ADAMTS2: variants seen among roughly 807,000 people sequenced by gnomAD.
ADAMTS2 encodes the protein A disintegrin and metalloproteinase with thrombospondin motifs 2.
ADAMTS2 carries 50 observed loss-of-function variants against 123.0 expected under a neutral mutation model. The ratio of observed to expected loss-of-function variants is 0.41; its 90% CI spans 0.32 to 0.51. The LOEUF (loss-of-function observed/expected upper bound fraction) is 0.51, where lower values mean the gene tolerates loss of function less well. Ranked by LOEUF, ADAMTS2 falls within the 20% of genes least tolerant of loss-of-function variation. ADAMTS2 has a pLI of 0.35. For missense variants in ADAMTS2, 1,494 were observed against 1,705.2 expected (o/e 0.88, Z 2.18); for synonymous variants, 678 against 695.4 (o/e 0.98, Z 0.39).
At chr5:179,154,990 C>T (rs930141094) in intron 6 of ADAMTS2, 71 bp from the exon 7 acceptor site, 2 of 1,360,272 alleles carry the variant, frequency 1.5e-6, no homozygotes, top group Non-Finnish European at 2.1e-6. Flanking sequence ...TGGCCTAACT[C>T]CCAGGCGCTG....
chr5:179,148,944 G>A (rs1435296668), intron 10 of ADAMTS2, among the ~76,000 whole-genome samples: 1 of 98,974 alleles, frequency 1.0e-5, no homozygotes, highest in Admixed American at 1.1e-4. Flanking sequence ...CGGCCCCTGG[G>A]GGGTCCTAGC....
At chr5:179,299,954 C>T (rs1364075558) in intron 2 of ADAMTS2, among the ~76,000 whole-genome samples, 8 of 151,896 alleles carry the variant, frequency 5.3e-5, no homozygotes, top group Admixed American at 1.3e-4. Flanking sequence ...ATTAGCCAGG[C>T]GTGGTGGCAG....
At chr5:179,227,719 A>G (rs2113421689) in intron 3 of ADAMTS2, among the ~76,000 whole-genome samples, 1 of 152,262 alleles carries the variant, frequency 6.6e-6, no homozygotes, top group African/African-American at 2.4e-5. Context: ...CACGGCCCAC[A>G]GGACCAGCAG....
chr5:179,342,210 C>T (rs1468333207), intron 2 of ADAMTS2, among the ~76,000 whole-genome samples: 3 of 152,206 alleles, frequency 2.0e-5, no homozygotes, highest in Admixed American at 2.0e-4. Context: ...ATCAGGAATG[C>T]ATAGTACACA....
chr5:179,194,007 C>A (rs926437170), intron 4 of ADAMTS2, among the ~76,000 whole-genome samples: 1 of 152,236 alleles, frequency 6.6e-6, no homozygotes, highest in African/African-American at 2.4e-5. Context: ...CTGCACAAGA[C>A]AAGCTCCGAG....
intron 2 of ADAMTS2, among the ~76,000 whole-genome samples, chr5:179,325,533 G>C (rs1030720410): frequency 7.2e-5 from 11 of 152,270 alleles, no homozygotes; most frequent in Non-Finnish European, 1.2e-4. Context: ...AGCCACAGCA[G>C]TCCTGTGACG....
chr5:179,250,512 C>T (rs111271255), intron 3 of ADAMTS2, among the ~76,000 whole-genome samples: 4 of 152,144 alleles, frequency 2.6e-5, no homozygotes, highest in African/African-American at 4.8e-5. Flanking sequence ...GCGCCCGAAA[C>T]GCTGAACTAC....
intron 2 of ADAMTS2, among the ~76,000 whole-genome samples, chr5:179,280,845 T>C (rs776518046): frequency 2.0e-5 from 3 of 152,104 alleles, no homozygotes; most frequent in Non-Finnish European, 4.4e-5. Context: ...TTTTTCATTA[T>C]AAAGTTCAAT....
chr5:179,138,514 G>A (rs1763104569), intron 11 of ADAMTS2, among the ~76,000 whole-genome samples: 1 of 152,236 alleles, frequency 6.6e-6, no homozygotes, highest in South Asian at 2.1e-4. Flanking sequence ...TTTCTGCAAC[G>A]TCTTCGCTTC....
At chr5:179,167,616 A>G (rs1170695632) in intron 5 of ADAMTS2, among the ~76,000 whole-genome samples, 1 of 152,138 alleles carries the variant, frequency 6.6e-6, no homozygotes, top group African/African-American at 2.4e-5. Flanking sequence ...CCTGCTGGGC[A>G]AGGCGCACTC....
chr5:179,123,423 G>T (rs73342600), intron 19 of ADAMTS2, among the ~76,000 whole-genome samples: 9,891 of 152,196 alleles, frequency 0.065, 1,083 homozygotes, highest in African/African-American at 0.22. Flanking sequence ...GTTTTGTTTT[G>T]TTTCTTTTGT....
chr5:179,207,793 T>C, intron 3 of ADAMTS2, 78 bp from the exon 4 acceptor site: 1 of 1,326,320 alleles, frequency 7.5e-7, no homozygotes, highest in Non-Finnish European at 1.1e-6. Context: ...AGCTTGGCCA[T>C]CCTCTCATTT....
rs190482563 is a variant in ADAMTS2 at position 179,203,907 on chromosome 5, G to A, written c.891+3606C>T. 2.9e-4 allele frequency among the ~76,000 whole-genome samples: 44 copies of A among 152,238 alleles called. 1 individual carries two copies. In the East Asian group the frequency reaches 6.4e-3, roughly 22 times the overall value. ...CAGAGTCTGGAACACCCACGTTCACGGCAGCACTATTCACAGTAGCCCATG... is the reference window on the plus strand; with the variant it reads ...CAGAGTCTGGAACACCCACGTTCACAGCAGCACTATTCACAGTAGCCCATG... On this transcript the variant is annotated intron_variant, in intron 4 of 21. Coordinates refer to ENST00000251582, the MANE Select transcript of ADAMTS2 (RefSeq NM_014244.5).
rs371331066 is a variant in ADAMTS2, at chr5:179,130,129, T to A, written c.2291-31A>T. 3.0e-5 allele frequency: 48 copies of A among 1,613,420 alleles called. No homozygotes were observed. The highest frequency in any genetic ancestry group is 1.7e-5 in the Admixed American group (1 of 59,990). On this transcript the variant is annotated intron_variant, in intron 15 of 21. Coordinates refer to ENST00000251582, the MANE Select transcript of ADAMTS2 (RefSeq NM_014244.5). This position sits in a 1 kb window ranked among gnomAD's most constrained non-coding sequence, Gnocchi z 4.3. ...AATGGCAAGACCAAGTCCCCCGTTG[T>A]GGTCACCCAAGAGCAGGACCCAGGC...
At chr5:179,326,201 C>CGTGTGTGTGTGTGTGTGTGTGT in intron 2 of ADAMTS2, among the ~76,000 whole-genome samples, 1 of 148,702 alleles carries the variant, frequency 6.7e-6, no homozygotes, top group East Asian at 2.0e-4. Context: ...TTTGTGTGTG[C>CGTGTGTGTGTGTGTGTGTGTGT]GTGTGTGTGT....
At chr5:179,338,824 C>T (rs1757690896) in intron 2 of ADAMTS2, among the ~76,000 whole-genome samples, 1 of 152,012 alleles carries the variant, frequency 6.6e-6, no homozygotes, top group Non-Finnish European at 1.5e-5. Flanking sequence ...GTGGGGGGTA[C>T]AAGAGCAGAA....
intron 21 of ADAMTS2, 26 bp downstream of exon 21, chr5:179,121,635 G>A: frequency 6.3e-7 from 1 of 1,582,522 alleles, no homozygotes; most frequent in South Asian, 1.2e-5. Context: ...GGAGGGCAGA[G>A]GCAGAGTTAT....
At position 179,307,096 on chromosome 5, in the gene ADAMTS2, C is replaced by T. The variant is rs141780727; in HGVS notation, c.535-34032G>A. ...GGGCAGCCGAGTAAGAAGAACCTCT[C>T]GGGGAAGTCAGTGGCCAGCCAGCCT... On this transcript the variant is annotated intron_variant, in intron 2 of 21. Coordinates refer to ENST00000251582, the MANE Select transcript of ADAMTS2 (RefSeq NM_014244.5). The surrounding 1 kb of genome is among the most constrained non-coding windows in gnomAD (Gnocchi z 5.6). Among the ~76,000 whole-genome samples the T allele has an allele frequency of 7.2e-5, 11 of 152,280 alleles. No individual in the cohort carries two copies. The South Asian group carries it at 1.2e-3, about 17-fold the overall frequency.
At position 179,124,943 on chromosome 5, in the gene ADAMTS2, C is replaced by T. The variant is rs755113952; in HGVS notation, c.2958+30G>A. 8 of 1,593,702 alleles carry T rather than the reference C, an allele frequency of 5.0e-6. No individual in the cohort carries two copies. In the East Asian group the frequency reaches 1.8e-4, roughly 37 times the overall value. ...TGCCTGTCCACCCTCAGTTTTGGAG[C>T]TGAGGACACGGGATCGGGGGATTGC... is the stretch of plus-strand genomic sequence containing the variant. On this transcript the variant is annotated intron_variant, in intron 19 of 21. Transcript: ENST00000251582.
Sources: allele counts gnomAD v4.1 joint callset (sites outside exome capture counted in the v4.1 genomes callset), GRCh38; gene constraint gnomAD v4.1.1; non-coding constraint Gnocchi (gnomAD v3.1); transcripts MANE v1.5; gene names NCBI Gene and HGNC (gene_info 2026-07-23, HGNC 2026-07-21).